KLF12: variants seen among roughly 807,000 people sequenced by gnomAD.
KLF12 encodes Krueppel-like factor 12.
Under a neutral mutation model 37.8 loss-of-function variants are expected in KLF12, and 9 were observed. The observed-to-expected ratio is 0.24, with a 90% CI of 0.14 to 0.42. The LOEUF (loss-of-function observed/expected upper bound fraction) is 0.42. Ranked by LOEUF, KLF12 falls within the 10% of genes least tolerant of loss-of-function variation. The pLI, the probability that KLF12 is intolerant of heterozygous loss-of-function variation, is 1.00. For synonymous variants in KLF12, 208 were observed against 202.1 expected, an observed-to-expected ratio of 1.03 and a Z score of -0.25; for missense variants, 411 against 516.0, an observed-to-expected ratio of 0.80 and a Z score of 1.97.
chr13:74,202,487 C>T, the KLF12 span, among the ~76,000 whole-genome samples: 2 of 152,114 alleles, frequency 1.3e-5, no homozygotes, highest in African/African-American at 2.4e-5. Flanking sequence ...CTACATCTTT[C>T]TGGTTGCAAG....
intron 3 of KLF12, among the ~76,000 whole-genome samples, chr13:73,861,102 G>T (rs1297043876): frequency 6.6e-6 from 1 of 152,008 alleles, no homozygotes; most frequent in African/African-American, 2.4e-5. Flanking sequence ...ACTCTTTCTG[G>T]TTCCAAAACT....
chr13:73,769,391 T>A (rs1324059), intron 5 of KLF12, among the ~76,000 whole-genome samples: 8 of 152,034 alleles, frequency 5.3e-5, no homozygotes, highest in Non-Finnish European at 7.4e-5. Flanking sequence ...ATCACTCCAT[T>A]CTTGAACAGC....
At chr13:73,746,941 A>G (rs971765628) in intron 6 of KLF12, among the ~76,000 whole-genome samples, 1 of 150,512 alleles carries the variant, frequency 6.6e-6, no homozygotes, top group African/African-American at 2.5e-5. Flanking sequence ...CAGTCTCCCA[A>G]TTAGCTGAGA....
At position 73,695,337 on chromosome 13, in the gene KLF12, A is replaced by G. The variant is rs1874065217; in HGVS notation, c.*153T>C. Reference sequence around the variant, plus strand: ...CATGATGGGGGTTACCTTCAGACCAAAAGAAGTGTGCCTTCTTTTTCCTGC... The same window carrying G: ...CATGATGGGGGTTACCTTCAGACCAGAAGAAGTGTGCCTTCTTTTTCCTGC... On this transcript the variant is annotated 3_prime_UTR_variant, in exon 8 of 8. Coordinates refer to ENST00000377669, the MANE Select transcript of KLF12 (RefSeq NM_007249.5). 1.4e-6 allele frequency: 1 copy of G among 726,932 alleles called. No individual in the cohort carries two copies. Among genetic ancestry groups the G allele is most frequent in the African/African-American group, 1.8e-5 (1 of 56,698 alleles). The allele number at this position is 726,932 out of a possible 1,614,324, so 45.0% of individuals were successfully genotyped here.
rs181077093 is a variant in KLF12, at chr13:73,704,280, A to C, written c.1028-8609T>G. On this transcript the variant is annotated intron_variant, in intron 7 of 7. Transcript: ENST00000377669. ...CCAGAGAGGGAGACAGGACATTTCC[A>C]ACTGGTGGTCTGAAAGCATCTTCAA... Among the ~76,000 whole-genome samples the C allele has an allele frequency of 3.2e-4, 49 of 152,288 alleles. No homozygotes were observed. In the East Asian group the frequency reaches 4.8e-3, roughly 15 times the overall value.
In KLF12 at chr13:73,914,906, TG is replaced by T. The variant is rs1888745694; in HGVS notation, c.123+29074del. ...AAAGTAAGTTTTCCATTTTACATTC[TG>T]TATTAGTTTCCTAATGCTTATATAA... On this transcript the variant is annotated intron_variant, in intron 3 of 7. Transcript: ENST00000377669. 2.6e-5 allele frequency among the ~76,000 whole-genome samples: 4 copies of T among 152,318 alleles called. No individual in the cohort carries two copies. The South Asian group carries it at 6.2e-4, about 24-fold the overall frequency.
intron 6 of KLF12, among the ~76,000 whole-genome samples, chr13:73,731,379 A>C (rs539816243): frequency 1.5e-4 from 23 of 152,318 alleles, no homozygotes; most frequent in Middle Eastern, 3.4e-3. Context: ...AATTAAAAAA[A>C]TAGTAGAAAC....
At chr13:74,061,823 A>G (rs1338921486) in intron 1 of KLF12, among the ~76,000 whole-genome samples, 2 of 152,236 alleles carry the variant, frequency 1.3e-5, no homozygotes, top group Non-Finnish European at 2.9e-5. Flanking sequence ...TGATTTTTAT[A>G]CCTTGACGTT....
chr13:74,193,373 G>A, the KLF12 span, among the ~76,000 whole-genome samples: 141 of 152,232 alleles, frequency 9.3e-4, no homozygotes, highest in African/African-American at 3.3e-3. Flanking sequence ...TACCTATGAG[G>A]TAGAAACTAT....
chr13:73,831,665 T>C (rs893102710), intron 4 of KLF12, among the ~76,000 whole-genome samples: 1 of 152,206 alleles, frequency 6.6e-6, no homozygotes, highest in African/African-American at 2.4e-5. Flanking sequence ...AATAATAATT[T>C]TGACGTTTTC....
intron 3 of KLF12, among the ~76,000 whole-genome samples, chr13:73,887,914 T>C (rs970052930): frequency 3.3e-5 from 5 of 152,206 alleles, no homozygotes; most frequent in African/African-American, 1.2e-4. Context: ...GAATACATAA[T>C]AATATGATGC....
At chr13:74,247,733 A>C in the KLF12 span, among the ~76,000 whole-genome samples, 8 of 152,136 alleles carry the variant, frequency 5.3e-5, no homozygotes, top group African/African-American at 1.7e-4. Flanking sequence ...TGACCTCCCA[A>C]AGTGCTGGAA....
At chr13:73,890,326 T>G (rs1007077832) in intron 3 of KLF12, among the ~76,000 whole-genome samples, 13 of 152,138 alleles carry the variant, frequency 8.5e-5, no homozygotes, top group African/African-American at 3.1e-4. Context: ...AGTTTCTGTG[T>G]GTTTGTTTAA....
chr13:73,940,326 T>C (rs756352491), intron 3 of KLF12, among the ~76,000 whole-genome samples: 1 of 152,210 alleles, frequency 6.6e-6, no homozygotes, highest in Non-Finnish European at 1.5e-5. Context: ...CAGCAGCATG[T>C]GCTGTGTTAC....
At chr13:73,929,463 C>T (rs1889561838) in intron 3 of KLF12, among the ~76,000 whole-genome samples, 1 of 152,164 alleles carries the variant, frequency 6.6e-6, no homozygotes, top group African/African-American at 2.4e-5. Flanking sequence ...GCTTCAAAAT[C>T]CACACATCGT....
intron 1 of KLF12, among the ~76,000 whole-genome samples, chr13:74,051,816 T>G (rs1239109589): frequency 6.6e-6 from 1 of 152,200 alleles, no homozygotes; most frequent in Admixed American, 6.5e-5. Flanking sequence ...AACATTCCTT[T>G]GCACAGTAGG....
chr13:74,053,843 G>A (rs1187578582), intron 1 of KLF12, among the ~76,000 whole-genome samples: 1 of 152,070 alleles, frequency 6.6e-6, no homozygotes, highest in African/African-American at 2.4e-5. Flanking sequence ...AAAACTTTGT[G>A]GCATGTCTGC....
the KLF12 span, among the ~76,000 whole-genome samples, chr13:74,155,763 G>A: frequency 4.6e-5 from 7 of 152,132 alleles, no homozygotes; most frequent in Non-Finnish European, 1.0e-4. Context: ...TAAATCTTCC[G>A]CTGGTGATAT....
chr13:73,894,210 C>T (rs76924012), intron 3 of KLF12, among the ~76,000 whole-genome samples: 2,600 of 152,238 alleles, frequency 0.017, 47 homozygotes, highest in African/African-American at 0.046. Flanking sequence ...AGCAAGGAGA[C>T]GTTTAGACTT....
Sources: gnomAD v4.1 joint callset for allele counts (sites outside exome capture counted in the v4.1 genomes callset) on GRCh38, gnomAD v4.1.1 for gene constraint, MANE v1.5 for transcripts, NCBI Gene and HGNC (gene_info 2026-07-23, HGNC 2026-07-21) for gene names.